The following HECW1 variants were observed in gnomAD, a reference collection of about 807,000 sequenced individuals.
HECW1 encodes the protein E3 ubiquitin-protein ligase HECW1.
A neutral mutation model predicts 182.3 loss-of-function variants in HECW1; 61 were observed. That is an observed-to-expected ratio of 0.33 (90% CI 0.27 to 0.41). The LOEUF (loss-of-function observed/expected upper bound fraction) is 0.41. Ranked by LOEUF, HECW1 falls within the 10% of genes least tolerant of loss-of-function variation. The pLI is 1.00. For synonymous variants in HECW1, 859 were observed against 832.6 expected (o/e 1.03, Z -0.55); for missense variants, 1,739 against 2,108.9 (o/e 0.82, Z 3.44).
rs57824560 is a variant in HECW1 at position 43,565,582 on chromosome 7, T to TTTATTA, written c.*3669_*3674dup. On this transcript the variant is annotated 3_prime_UTR_variant, in exon 30 of 30. Coordinates refer to ENST00000395891, the MANE Select transcript of HECW1 (RefSeq NM_015052.5). ...CTTTATTATTATTATTATTATTATT[T>TTTATTA]TTATTATTATTATTATTACGTACTT... The TTTATTA allele has an allele frequency of 3.1e-5, 5 of 161,098 alleles. No individual in the cohort carries two copies. Among genetic ancestry groups the TTTATTA allele is most frequent in the African/African-American group, 9.9e-5 (4 of 40,354 alleles). 10.0% of individuals were successfully genotyped at this position (161,098 alleles called of 1,614,324 possible).
intron 5 of HECW1, among the ~76,000 whole-genome samples, chr7:43,342,989 C>T (rs1180028376): frequency 1.3e-5 from 2 of 151,358 alleles, no homozygotes; most frequent in Non-Finnish European, 2.9e-5. Context: ...TGCACCACTG[C>T]ACTCCAGCGT....
At chr7:43,552,847 G>A (rs1454149217) in intron 28 of HECW1, among the ~76,000 whole-genome samples, 5 of 152,154 alleles carry the variant, frequency 3.3e-5, no homozygotes, top group African/African-American at 9.7e-5. Context: ...TCAGTACAAA[G>A]CAGGAGCTTG....
intron 24 of HECW1, among the ~76,000 whole-genome samples, chr7:43,514,763 G>T (rs989501594): frequency 1.3e-5 from 2 of 152,092 alleles, no homozygotes; most frequent in Admixed American, 6.5e-5. Flanking sequence ...TTGAGAACAT[G>T]CTAAATATAC....
In HECW1 at chr7:43,561,906, A is replaced by G; in HGVS notation, c.4801A>G (p.Ser1601Gly). 6.2e-7 allele frequency: 1 copy of G among 1,610,988 alleles called. No homozygotes were observed. The highest frequency in any genetic ancestry group is 8.5e-7 in the Non-Finnish European group (1 of 1,177,076). Residue 1601 changes from serine to glycine, a missense_variant, in exon 30 of 30, where the codon AGC becomes GGC. Around this residue, in one of 5 missense-constraint regions of HECW1, gnomAD observed 420 missense variants for 595.7 expected, o/e 0.71. Coordinates refer to ENST00000395891, the MANE Select transcript of HECW1 (RefSeq NM_015052.5). ...EKLLTAVEET[S>G]TFGLE ...GCTGTTAACAGCAGTAGAGGAAACC[A>G]GCACCTTTGGACTTGAGTGAGGACA...
Position 43,378,835 on chromosome 7 carries a change from C to T in HECW1, c.555+17855C>T, listed in dbSNP as rs189601935. On this transcript the variant is annotated intron_variant, in intron 6 of 29. Transcript: ENST00000395891. ...CAAAAATAAAAACAAAAGAAGGAGG[C>T]AATGTCAGGCAAGGGCAGAGCAGCA... is the stretch of plus-strand genomic sequence containing the variant. 7.9e-5 allele frequency among the ~76,000 whole-genome samples: 12 copies of T among 151,816 alleles called. No homozygotes were observed. The East Asian group carries it at 2.3e-3, about 29-fold the overall frequency.
intron 5 of HECW1, among the ~76,000 whole-genome samples, chr7:43,329,636 G>A (rs547369080): frequency 2.6e-5 from 4 of 152,256 alleles, no homozygotes; most frequent in South Asian, 2.1e-4. Flanking sequence ...GAAAGGGGGC[G>A]AGTTTGGGGA....
At chr7:43,485,996 T>C (rs1332126483) in intron 17 of HECW1, among the ~76,000 whole-genome samples, 6 of 152,152 alleles carry the variant, frequency 3.9e-5, no homozygotes, top group Admixed American at 3.9e-4. Flanking sequence ...CTCCTAATGC[T>C]CTTCCTCCCC....
chr7:43,314,767 T>C (rs183069097), intron 4 of HECW1, among the ~76,000 whole-genome samples: 1 of 152,352 alleles, frequency 6.6e-6, no homozygotes, highest in East Asian at 1.9e-4. Context: ...CGAAATTGTC[T>C]GTGAATCTTA....
chr7:43,491,284 G>A (rs1029990375), intron 17 of HECW1, among the ~76,000 whole-genome samples: 1 of 152,150 alleles, frequency 6.6e-6, no homozygotes, highest in African/African-American at 2.4e-5. Context: ...TGGATCCTCA[G>A]ATTCCCTATT....
chr7:43,376,500 T>G (rs2152823845), intron 6 of HECW1, among the ~76,000 whole-genome samples: 1 of 152,300 alleles, frequency 6.6e-6, no homozygotes, highest in South Asian at 2.1e-4. Flanking sequence ...GCTGATTACA[T>G]CCTGGTTTTT....
intron 2 of HECW1, chr7:43,122,131 A>T (rs1785686045): frequency 6.6e-6 from 1 of 152,248 alleles, no homozygotes; most frequent in African/African-American, 2.4e-5. Context: ...TTGAAGAATG[A>T]ATGAAGTACA....
chr7:43,517,818 A>G (rs931460565), intron 24 of HECW1, among the ~76,000 whole-genome samples: 10 of 152,186 alleles, frequency 6.6e-5, no homozygotes, highest in African/African-American at 2.2e-4. Flanking sequence ...CTCCCTATCA[A>G]TTCTCAAAGA....
chr7:43,311,922 A>C lies in HECW1; in HGVS notation c.187A>C (p.Ile63Leu). The change falls in exon 4 of 30, where the codon ATT becomes CTT. Residue 63 changes from isoleucine (I) to leucine (L), a missense_variant. This residue lies in a region of HECW1 where 279 missense variants were observed against 353.1 expected (regional missense o/e 0.79). Coordinates refer to ENST00000395891, the MANE Select transcript of HECW1 (RefSeq NM_015052.5). ...GGGCGGCCCCCACGATGGCGTCACC[A>C]TTCCCCGCTCCACCAGCGACACTGA... ...LRGGPHDGVTIPRSTSDTDLV... is the reference protein window; with the variant it reads ...LRGGPHDGVTLPRSTSDTDLV... The C allele has an allele frequency of 6.2e-7, 1 of 1,614,168 alleles. No individual in the cohort carries two copies. Among genetic ancestry groups the C allele is most frequent in the Non-Finnish European group, 8.5e-7 (1 of 1,180,032 alleles).
chr7:43,528,737 C>T (rs2080862655), intron 24 of HECW1, among the ~76,000 whole-genome samples: 1 of 152,172 alleles, frequency 6.6e-6, no homozygotes, highest in Non-Finnish European at 1.5e-5. Flanking sequence ...ATGGAGGGGA[C>T]TTGGCGGCAC....
chr7:43,151,628 G>A (rs962684817), intron 2 of HECW1, among the ~76,000 whole-genome samples: 14 of 152,240 alleles, frequency 9.2e-5, no homozygotes, highest in Admixed American at 7.2e-4. Flanking sequence ...ACTGATATTG[G>A]CAACAAATAC....
chr7:43,351,694 T>G (rs1405308167), intron 5 of HECW1, among the ~76,000 whole-genome samples: 1 of 151,406 alleles, frequency 6.6e-6, no homozygotes, highest in African/African-American at 2.4e-5. Flanking sequence ...TTTTTTTTTT[T>G]TTTACATTGC....
chr7:43,486,140 A>G (rs2078625030), intron 17 of HECW1, among the ~76,000 whole-genome samples: 1 of 151,962 alleles, frequency 6.6e-6, no homozygotes, highest in South Asian at 2.1e-4. Flanking sequence ...TACTTTGCTG[A>G]GAATGATGGT....
At chr7:43,157,786 C>T (rs972161461) in intron 2 of HECW1, among the ~76,000 whole-genome samples, 4 of 152,318 alleles carry the variant, frequency 2.6e-5, no homozygotes, top group Non-Finnish European at 5.9e-5. Context: ...GTCTTAATCT[C>T]CTGAGCTCAA....
intron 2 of HECW1, among the ~76,000 whole-genome samples, chr7:43,198,068 ACACT>A (rs1487986164): frequency 2.7e-5 from 4 of 149,186 alleles, no homozygotes; most frequent in South Asian, 2.1e-4. Flanking sequence ...CCCCACACAC[ACACT>A]CTCTTACACA....
Sources: gnomAD v4.1 joint callset for allele counts (sites outside exome capture counted in the v4.1 genomes callset) on GRCh38, gnomAD v4.1.1 for gene constraint, gnomAD v4.1.1 regional missense constraint, MANE v1.5 for transcripts, NCBI Gene and HGNC (gene_info 2026-07-23, HGNC 2026-07-21) for gene names.